NEDD4L: variants seen among roughly 807,000 people sequenced by gnomAD.
NEDD4L encodes E3 ubiquitin-protein ligase NEDD4-like.
Under a neutral mutation model 148.9 loss-of-function variants are expected in NEDD4L, and 54 were observed. The ratio of observed to expected loss-of-function variants is 0.36; its 90% CI spans 0.29 to 0.45. The LOEUF is 0.45. Among genes scored for constraint, NEDD4L ranks in the 20% least tolerant of loss-of-function variants. The probability of loss-of-function intolerance (pLI) is 1.00; values close to 1 mark genes in which losing one functional copy is unlikely to be tolerated. For missense variants in NEDD4L, 856 were observed against 1,233.8 expected, an observed-to-expected ratio of 0.69 and a Z score of 4.59; for synonymous variants, 433 against 440.7, an observed-to-expected ratio of 0.98 and a Z score of 0.22.
chr18:58,064,147 G>A (rs2082483322), intron 1 of NEDD4L, among the ~76,000 whole-genome samples: 2 of 151,606 alleles, frequency 1.3e-5, no homozygotes, highest in Non-Finnish European at 2.9e-5. Context: ...TATATTTTTA[G>A]TAGAGACGGG....
intron 5 of NEDD4L, among the ~76,000 whole-genome samples, chr18:58,295,690 C>G (rs1465312631): frequency 1.3e-5 from 2 of 152,000 alleles, no homozygotes; most frequent in Non-Finnish European, 2.9e-5. Flanking sequence ...GTTAGAGTGC[C>G]GTGCTGCGTG....
chr18:58,129,037 A>G lies in NEDD4L; in HGVS notation c.49-36751A>G, dbSNP rs540407756. Among the ~76,000 whole-genome samples the G allele has an allele frequency of 1.4e-3, 210 of 152,336 alleles. 2 individuals are homozygous for G. The highest frequency in any genetic ancestry group is 6.8e-3 in the Middle Eastern group (2 of 294). On this transcript the variant is annotated intron_variant, in intron 1 of 30. Transcript: ENST00000400345. ...ACATTTTCCAGCATTTGTTTTCAAA[A>G]TGGAAATCCAGATCACGCATTTGAG...
At position 58,061,238 on chromosome 18, in the gene NEDD4L, G is replaced by A. The variant is rs77801641; in HGVS notation, c.48+16530G>A. ...TGTAGTGTAGTATCAGTTTTACGTGGTTATCTAATTGGATCCGTGAGCCAG... is the reference window on the plus strand; with the variant it reads ...TGTAGTGTAGTATCAGTTTTACGTGATTATCTAATTGGATCCGTGAGCCAG... On this transcript the variant is annotated intron_variant, in intron 1 of 30. Transcript: ENST00000400345. Among the ~76,000 whole-genome samples, 1,077 of 152,278 alleles carry A rather than the reference G, an allele frequency of 7.1e-3. 10 individuals carry two copies. The highest frequency in any genetic ancestry group is 0.019 in the South Asian group (94 of 4,822).
chr18:58,374,673 C>T (rs1377087001), intron 24 of NEDD4L, among the ~76,000 whole-genome samples: 1 of 151,934 alleles, frequency 6.6e-6, no homozygotes, highest in Non-Finnish European at 1.5e-5. Flanking sequence ...CTGCCTTTGA[C>T]ACAAATAGCT....
rs1204697883 is a variant in NEDD4L, at chr18:58,325,056, C to T, written c.574C>T (p.Pro192Ser). The T allele has an allele frequency of 1.2e-6, 2 of 1,614,026 alleles. No individual in the cohort carries two copies. Among genetic ancestry groups the T allele is most frequent in the South Asian group, 1.1e-5 (1 of 91,078 alleles). ...SASQHQEELP[P>S]PPLPPGWEEK... ...TTCTCAGCACCAAGAGGAACTTCCTCCTCCTCCTCTGCCTCCCGGGTGGGA... is the reference window on the plus strand; with the variant it reads ...TTCTCAGCACCAAGAGGAACTTCCTTCTCCTCCTCTGCCTCCCGGGTGGGA... Residue 192 changes from proline (P) to serine (S), a missense_variant, in exon 9 of 31, where the codon CCT becomes TCT. This residue lies in a region of NEDD4L where 193 missense variants were observed against 244.2 expected (regional missense o/e 0.79). Coordinates refer to ENST00000400345, the MANE Select transcript of NEDD4L (RefSeq NM_001144967.3).
chr18:58,348,692 G>A (rs1213588795), intron 16 of NEDD4L, among the ~76,000 whole-genome samples: 2 of 152,040 alleles, frequency 1.3e-5, no homozygotes, highest in Non-Finnish European at 2.9e-5. Flanking sequence ...GCAACTTCCT[G>A]TTCTCTCTGA....
chr18:58,277,303 A>G (rs541224200), intron 5 of NEDD4L, among the ~76,000 whole-genome samples: 9 of 152,268 alleles, frequency 5.9e-5, no homozygotes, highest in African/African-American at 2.2e-4. Flanking sequence ...AGAGGATAGT[A>G]ATCCTAGGAT....
intron 2 of NEDD4L, among the ~76,000 whole-genome samples, chr18:58,233,518 A>G (rs772778252): frequency 1.4e-4 from 22 of 152,184 alleles, no homozygotes; most frequent in African/African-American, 4.8e-4. Context: ...CCATGATTCA[A>G]TTATCTCCCA....
At chr18:58,233,595 A>G (rs1020934739) in intron 2 of NEDD4L, among the ~76,000 whole-genome samples, 2 of 152,266 alleles carry the variant, frequency 1.3e-5, no homozygotes, top group Non-Finnish European at 2.9e-5. Context: ...GGGTGGGAAC[A>G]CAGCCAAACC....
At chr18:58,144,233 G>A (rs537167431) in intron 1 of NEDD4L, among the ~76,000 whole-genome samples, 135 of 152,182 alleles carry the variant, frequency 8.9e-4, no homozygotes, top group Middle Eastern at 3.4e-3. Context: ...GGCTCTGCAC[G>A]CTGTACTGGA....
chr18:58,359,357 A>G (rs1386620746), intron 19 of NEDD4L, among the ~76,000 whole-genome samples: 2 of 152,076 alleles, frequency 1.3e-5, no homozygotes, highest in Non-Finnish European at 2.9e-5. Flanking sequence ...TAGCTCTCAC[A>G]TTAAACTGTG....
At position 58,103,239 on chromosome 18, in the gene NEDD4L, A is replaced by G. The variant is rs560523785; in HGVS notation, c.48+58531A>G. 1.2e-4 allele frequency among the ~76,000 whole-genome samples: 18 copies of G among 144,588 alleles called. 1 individual carries two copies. In the South Asian group the frequency reaches 3.6e-3, roughly 29 times the overall value. 94.9% of individuals were successfully genotyped at this position (144,588 alleles called of 152,430 possible). On this transcript the variant is annotated intron_variant, in intron 1 of 30. Coordinates refer to ENST00000400345, the MANE Select transcript of NEDD4L (RefSeq NM_001144967.3). The stretch of plus-strand genomic sequence containing the variant: ...TACATATATTATATATATTACATAT[A>G]CATATTATATATGTGGATATATTAT...
intron 2 of NEDD4L, among the ~76,000 whole-genome samples, chr18:58,191,073 T>C (rs2040056869): frequency 7.9e-6 from 1 of 126,350 alleles, no homozygotes; most frequent in South Asian, 2.4e-4. Context: ...AATACACCAC[T>C]GCCCTTCATT....
intron 1 of NEDD4L, among the ~76,000 whole-genome samples, chr18:58,162,121 ATC>A (rs933500292): frequency 6.6e-6 from 1 of 152,106 alleles, no homozygotes; most frequent in African/African-American, 2.4e-5. Flanking sequence ...TCTTGCCAGA[ATC>A]TCTCTCCAAT....
At chr18:58,307,080 G>A (rs953747934) in intron 5 of NEDD4L, among the ~76,000 whole-genome samples, 3 of 152,224 alleles carry the variant, frequency 2.0e-5, no homozygotes, top group Non-Finnish European at 2.9e-5. Flanking sequence ...ACTGGGCAGA[G>A]ATGTGATTTC....
In NEDD4L at chr18:58,256,164, G is replaced by A. The variant is rs1600305120; in HGVS notation, c.297+4110G>A. On this transcript the variant is annotated intron_variant, in intron 5 of 30. Transcript: ENST00000400345. This position sits in a 1 kb window ranked among gnomAD's most constrained non-coding sequence, Gnocchi z 5.2. Reference sequence around the variant, plus strand: ...AACGGCACGTGCGGCCGCCGCGTGCGGTGCTCCGGCCCCGTGGACTGCGCG... The same window carrying A: ...AACGGCACGTGCGGCCGCCGCGTGCAGTGCTCCGGCCCCGTGGACTGCGCG... The A allele has an allele frequency of 5.7e-6, 7 of 1,218,602 alleles. No individual in the cohort carries two copies. The highest frequency in any genetic ancestry group is 3.3e-5 in the East Asian group (1 of 30,096). The allele number at this position is 1,218,602 out of a possible 1,614,324, so 75.5% of individuals were successfully genotyped here.
intron 23 of NEDD4L, chr18:58,371,753 A>G (rs1306480668): frequency 1.3e-5 from 2 of 152,312 alleles, no homozygotes; most frequent in Non-Finnish European, 2.9e-5. Flanking sequence ...GTTGGGATGC[A>G]CACCTGTGAT....
chr18:58,367,655 C>G (rs1244514131), intron 21 of NEDD4L, 91 bp from the exon 22 acceptor site: 1 of 1,394,464 alleles, frequency 7.2e-7, no homozygotes, highest in Admixed American at 1.8e-5. Context: ...CGCAGGGACA[C>G]TGTAAAAGTT....
At chr18:58,223,454 A>G (rs1214433824) in intron 2 of NEDD4L, among the ~76,000 whole-genome samples, 1 of 152,136 alleles carries the variant, frequency 6.6e-6, no homozygotes, top group African/African-American at 2.4e-5. Flanking sequence ...GGGGGGCTCT[A>G]TGTACTTATT....
Sources: gnomAD v4.1 joint callset for allele counts (sites outside exome capture counted in the v4.1 genomes callset) on GRCh38, gnomAD v4.1.1 for gene constraint, gnomAD v4.1.1 regional missense constraint, Gnocchi (gnomAD v3.1) non-coding constraint, MANE v1.5 for transcripts, NCBI Gene and HGNC (gene_info 2026-07-23, HGNC 2026-07-21) for gene names.